DACH2: variants seen among roughly 807,000 people sequenced by gnomAD.
DACH2 encodes the protein dachshund family transcription factor 2, also known as dachshund homolog 2.
In DACH2, 17 loss-of-function variants were observed where a neutral mutation model predicts 35.8. The observed-to-expected ratio is 0.48, with a 90% CI of 0.33 to 0.71. The LOEUF (loss-of-function observed/expected upper bound fraction) is 0.71, where lower values mean the gene tolerates loss of function less well. Among genes scored for constraint, DACH2 ranks in the 30% least tolerant of loss-of-function variants. The pLI is 0.02. For synonymous variants in DACH2, 195 were observed against 177.3 expected (o/e 1.10, Z -0.79); for missense variants, 469 against 472.7 (o/e 0.99, Z 0.07).
chrX:86,411,960 T>G (rs1602491659), intron 2 of DACH2, among the ~76,000 whole-genome samples: 1 of 111,536 alleles, frequency 9.0e-6, no homozygotes, highest in South Asian at 3.8e-4. Context: ...TCATTGACCT[T>G]AATGACAGGG....
chrX:86,360,800 C>A (rs926098325), intron 1 of DACH2, among the ~76,000 whole-genome samples: 3 of 111,114 alleles, frequency 2.7e-5, no homozygotes, highest in Non-Finnish European at 5.7e-5. Flanking sequence ...TTTAAAAAAA[C>A]ATTTTTGCCC....
chrX:86,826,534 A>T (rs975143786), intron 11 of DACH2, among the ~76,000 whole-genome samples: 13 of 111,870 alleles, frequency 1.2e-4, no homozygotes, highest in Non-Finnish European at 2.3e-4. Context: ...CTAGACAAAG[A>T]GTAATCAAAC....
At chrX:86,337,324 T>A (rs751164505) in intron 1 of DACH2, among the ~76,000 whole-genome samples, 4 of 111,923 alleles carry the variant, frequency 3.6e-5, no homozygotes, top group African/African-American at 9.7e-5. Flanking sequence ...GAGCAGCCAG[T>A]GAGAAAGGTT....
At chrX:86,713,991 A>G (rs989756188) in intron 5 of DACH2, among the ~76,000 whole-genome samples, 1 of 111,807 alleles carries the variant, frequency 8.9e-6, no homozygotes, top group Non-Finnish European at 1.9e-5. Context: ...ATTTATTGAC[A>G]AAGACTTTAA....
chrX:86,543,036 G>A (rs780514291), intron 3 of DACH2, among the ~76,000 whole-genome samples: 69 of 112,243 alleles, frequency 6.1e-4, no homozygotes, highest in African/African-American at 2.2e-3. Context: ...CTAGAAGAAG[G>A]TTGACTAAAT....
intron 1 of DACH2, among the ~76,000 whole-genome samples, chrX:86,280,225 G>A (rs1299815073): frequency 8.9e-6 from 1 of 111,963 alleles, no homozygotes; most frequent in Non-Finnish European, 1.9e-5. Flanking sequence ...TACCCACAAA[G>A]GGAAGCCCAT....
At chrX:86,722,616 G>A (rs1244107009) in intron 6 of DACH2, among the ~76,000 whole-genome samples, 3 of 110,703 alleles carry the variant, frequency 2.7e-5, no homozygotes, top group Admixed American at 9.6e-5. Context: ...TTTCAACTTC[G>A]TGTCCCAAAG....
chrX:86,547,476 A>G (rs916680024), intron 3 of DACH2, among the ~76,000 whole-genome samples: 22 of 69,025 alleles, frequency 3.2e-4, no homozygotes, highest in Admixed American at 2.9e-3. Context: ...TTATGTTAGT[A>G]TGGTGCCATT....
intron 1 of DACH2, among the ~76,000 whole-genome samples, chrX:86,244,497 C>T (rs2147945188): frequency 8.9e-6 from 1 of 111,880 alleles, no homozygotes; most frequent in East Asian, 2.8e-4. Flanking sequence ...ACCTCTAGTT[C>T]CAGCTACTCA....
intron 2 of DACH2, among the ~76,000 whole-genome samples, chrX:86,476,080 G>A (rs2037838913): frequency 5.4e-5 from 6 of 111,698 alleles, no homozygotes; most frequent in Admixed American, 2.9e-4. Flanking sequence ...CAGGTTGTTC[G>A]TATTTTGTTG....
chrX:86,590,420 G>A (rs2039629145), intron 3 of DACH2, among the ~76,000 whole-genome samples: 1 of 111,576 alleles, frequency 9.0e-6, no homozygotes, highest in South Asian at 3.8e-4. Flanking sequence ...CAGAGGAGTG[G>A]GTTTGTTACA....
intron 4 of DACH2, among the ~76,000 whole-genome samples, chrX:86,690,452 T>A (rs1166752819): frequency 9.0e-6 from 1 of 111,547 alleles, no homozygotes; most frequent in Non-Finnish European, 1.9e-5. Flanking sequence ...AGTTATTATT[T>A]TTAACTAAGT....
At chrX:86,776,547 T>G (rs931262122) in intron 7 of DACH2, among the ~76,000 whole-genome samples, 2 of 111,847 alleles carry the variant, frequency 1.8e-5, no homozygotes, top group Non-Finnish European at 3.8e-5. Flanking sequence ...ACTTTAAGAG[T>G]TTACCCATTG....
At chrX:86,364,831 A>G (rs928106463) in intron 1 of DACH2, among the ~76,000 whole-genome samples, 2 of 111,879 alleles carry the variant, frequency 1.8e-5, no homozygotes, top group African/African-American at 6.5e-5. Context: ...TTAGGGAAAA[A>G]AATACATGCC....
chrX:86,333,655 T>G (rs1233896656), intron 1 of DACH2, among the ~76,000 whole-genome samples: 1 of 111,970 alleles, frequency 8.9e-6, no homozygotes, highest in Non-Finnish European at 1.9e-5. Context: ...ACAATAGATA[T>G]TTGAGGGAAA....
At chrX:86,250,787 G>A (rs1429371889) in intron 1 of DACH2, among the ~76,000 whole-genome samples, 1 of 111,234 alleles carries the variant, frequency 9.0e-6, no homozygotes, top group East Asian at 2.8e-4. Flanking sequence ...TGAATCCACA[G>A]TAATTTAACA....
chrX:86,526,907 G>A (rs2038642320), intron 3 of DACH2, among the ~76,000 whole-genome samples: 2 of 109,207 alleles, frequency 1.8e-5, no homozygotes, highest in South Asian at 7.9e-4. Flanking sequence ...AGTGTTACTT[G>A]CATAATCAAG....
chrX:86,799,821 C>T (rs5969005), intron 7 of DACH2, among the ~76,000 whole-genome samples: 24,782 of 110,785 alleles, frequency 0.22, 2,136 homozygotes, highest in East Asian at 0.48. Flanking sequence ...TTTTCTTGAA[C>T]ATTCCAGATC....
intron 1 of DACH2, among the ~76,000 whole-genome samples, chrX:86,337,767 C>A (rs1411755937): frequency 9.0e-6 from 1 of 111,617 alleles, no homozygotes. Context: ...CATAGACTGG[C>A]AAATTGGATA....
Sources: allele counts gnomAD v4.1 joint callset (sites outside exome capture counted in the v4.1 genomes callset), GRCh38; gene constraint gnomAD v4.1.1; transcripts MANE v1.5; gene names NCBI Gene and HGNC (gene_info 2026-07-23, HGNC 2026-07-21).